Variants in DMD observed in about 807,000 individuals in gnomAD.
The protein encoded by DMD is mutant dystrophin.
A neutral mutation model predicts 330.1 loss-of-function variants in DMD; 63 were observed. That is an observed-to-expected ratio of 0.19 (90% CI 0.16 to 0.24). The LOEUF (loss-of-function observed/expected upper bound fraction) is 0.24. Ranked by LOEUF, DMD falls within the 10% of genes least tolerant of loss-of-function variation. DMD has a pLI of 1.00. For synonymous variants in DMD, 1,223 were observed against 959.8 expected, an observed-to-expected ratio of 1.27 and a Z score of -5.07; for missense variants, 3,344 against 2,684.1, an observed-to-expected ratio of 1.25 and a Z score of -5.43.
chrX:32,183,586 A>ATG (rs1557196750), intron 44 of DMD, among the ~76,000 whole-genome samples: 296 of 98,983 alleles, frequency 3.0e-3, no homozygotes, highest in East Asian at 7.7e-3. Flanking sequence ...ATATATATAT[A>ATG]TATGTATGTA....
At chrX:32,180,997 C>T (rs1442387953) in intron 44 of DMD, among the ~76,000 whole-genome samples, 8 of 111,726 alleles carry the variant, frequency 7.2e-5, no homozygotes, top group Non-Finnish European at 1.1e-4. Flanking sequence ...TGATGGTTCT[C>T]CATCCCCACA....
chrX:32,775,725 G>A (rs927993724), intron 7 of DMD, among the ~76,000 whole-genome samples: 1 of 113,046 alleles, frequency 8.8e-6, no homozygotes, highest in African/African-American at 3.2e-5. Flanking sequence ...GGCCTGTGAT[G>A]GAAGGGGCTG....
At chrX:32,597,523 C>T (rs147001818) in intron 12 of DMD, among the ~76,000 whole-genome samples, 148 of 111,773 alleles carry the variant, frequency 1.3e-3, no homozygotes, top group African/African-American at 4.6e-3. Context: ...CACAATTACA[C>T]TAACCTCAAC....
At chrX:33,178,798 T>C (rs1725215232) in intron 1 of DMD, among the ~76,000 whole-genome samples, 1 of 112,119 alleles carries the variant, frequency 8.9e-6, no homozygotes, top group South Asian at 3.7e-4. Flanking sequence ...CTGCGTTTCT[T>C]TGAAAAGTAC....
chrX:31,379,635 T>C (rs2060057241), intron 60 of DMD, among the ~76,000 whole-genome samples: 1 of 112,034 alleles, frequency 8.9e-6, no homozygotes, highest in South Asian at 3.7e-4. Flanking sequence ...GGCAGCCAAG[T>C]AGCAATGTAT....
intron 43 of DMD, among the ~76,000 whole-genome samples, chrX:32,248,766 T>C (rs955076953): frequency 9.0e-6 from 1 of 111,265 alleles, no homozygotes; most frequent in Non-Finnish European, 1.9e-5. Flanking sequence ...TTGGTGTGAC[T>C]TTTATTATGA....
chrX:32,218,239 T>C (rs1259725072), intron 43 of DMD, among the ~76,000 whole-genome samples: 1 of 111,661 alleles, frequency 9.0e-6, no homozygotes, highest in Non-Finnish European at 1.9e-5. Flanking sequence ...TCAGTATTTC[T>C]GGAGGTTGGA....
At position 32,612,638 on chromosome X, in the gene DMD, G is replaced by A. The variant is rs180699859; in HGVS notation, c.1482+1665C>T. Reference sequence around the variant, plus strand: ...GGCAGATATAGTGTCAACGAGAGAAGCAAATGTGCCACATCGGAAAAGCGG... The same window carrying A: ...GGCAGATATAGTGTCAACGAGAGAAACAAATGTGCCACATCGGAAAAGCGG... On this transcript the variant is annotated intron_variant, in intron 12 of 78. Coordinates refer to ENST00000357033, the MANE Select transcript of DMD (RefSeq NM_004006.3). Among the ~76,000 whole-genome samples, 324 of 111,218 alleles carry A rather than the reference G, an allele frequency of 2.9e-3. 2 individuals are homozygous for A. The highest frequency in any genetic ancestry group is 0.011 in the South Asian group (30 of 2,642).
At chrX:31,153,692 C>A (rs2148004478) in intron 74 of DMD, among the ~76,000 whole-genome samples, 1 of 111,950 alleles carries the variant, frequency 8.9e-6, no homozygotes, top group South Asian at 3.7e-4. Context: ...AGTATTAATT[C>A]AAGCCTTAAT....
intron 1 of DMD, among the ~76,000 whole-genome samples, chrX:33,036,809 G>GTATATATATATA (rs150933084): frequency 7.3e-4 from 77 of 105,855 alleles, no homozygotes; most frequent in African/African-American, 2.6e-3. Flanking sequence ...GCATGTGTGT[G>GTATATATATATA]TATATATATA....
chrX:32,928,485 T>C (rs936669481), intron 2 of DMD, among the ~76,000 whole-genome samples: 27 of 111,518 alleles, frequency 2.4e-4, no homozygotes, highest in Non-Finnish European at 9.4e-5. Context: ...GTATGTGTGA[T>C]TTTTTAAATT....
rs191623292 is a variant in DMD at position 32,711,109 on chromosome X, A to C, written c.650-11816T>G. 3.6e-5 allele frequency among the ~76,000 whole-genome samples: 4 copies of C among 111,874 alleles called. No individual in the cohort carries two copies. In the Admixed American group the frequency reaches 3.8e-4, roughly 11 times the overall value. On this transcript the variant is annotated intron_variant, in intron 7 of 78. Coordinates refer to ENST00000357033, the MANE Select transcript of DMD (RefSeq NM_004006.3). ...TGCGTAGAATCTTACTGCTATTTTA[A>C]TTACTGAATGTTCCTTTTGTCCATT...
At chrX:32,401,295 A>G (rs1409077975) in intron 30 of DMD, among the ~76,000 whole-genome samples, 1 of 109,454 alleles carries the variant, frequency 9.1e-6, no homozygotes, top group Non-Finnish European at 1.9e-5. Flanking sequence ...ACTAACCTGC[A>G]CAATGTGCAC....
At chrX:31,471,390 T>G in intron 59 of DMD, among the ~76,000 whole-genome samples, 1 of 111,679 alleles carries the variant, frequency 9.0e-6, no homozygotes, top group Non-Finnish European at 1.9e-5. Context: ...ACGGCTTCTG[T>G]TGGCTAGGGG....
At chrX:33,211,595 T>C, upstream of DMD, 1 of 984,089 alleles carries the variant, frequency 1.0e-6, no homozygotes, top group South Asian at 2.9e-5. Context: ...TTCCAGGACC[T>C]GCGCACAAGC....
At chrX:33,212,050 T>C (rs984792699), upstream of DMD, among the ~76,000 whole-genome samples, 3 of 112,164 alleles carry the variant, frequency 2.7e-5, no homozygotes, top group African/African-American at 9.7e-5. Flanking sequence ...ATGCCAACAG[T>C]CTGAATAAGA....
chrX:32,123,165 A>G (rs2096644454), intron 44 of DMD, among the ~76,000 whole-genome samples: 1 of 92,864 alleles, frequency 1.1e-5, no homozygotes, highest in Non-Finnish European at 2.1e-5. Context: ...GAAGGGGAAT[A>G]CTAAAACCTA....
At chrX:32,330,100 T>C (rs1395268755) in intron 41 of DMD, among the ~76,000 whole-genome samples, 5 of 112,367 alleles carry the variant, frequency 4.4e-5, no homozygotes, top group Non-Finnish European at 9.4e-5. Flanking sequence ...TGTTACTAAA[T>C]GGGTGCTAAA....
chrX:32,722,086 G>A (rs1294689504), intron 7 of DMD, among the ~76,000 whole-genome samples: 2 of 109,803 alleles, frequency 1.8e-5, no homozygotes, highest in Non-Finnish European at 3.8e-5. Context: ...CAAATCCAAA[G>A]AGCAGTATTT....
Sources: allele counts gnomAD v4.1 joint callset (sites outside exome capture counted in the v4.1 genomes callset), GRCh38; gene constraint gnomAD v4.1.1; transcripts MANE v1.5; gene names NCBI Gene and HGNC (gene_info 2026-07-23, HGNC 2026-07-21).